The following RYR2 variants were observed in gnomAD, a reference collection of about 807,000 sequenced individuals.
RYR2 encodes ryanodine receptor 2.
RYR2 carries 227 observed loss-of-function variants against 601.1 expected under a neutral mutation model. That is an observed-to-expected ratio of 0.38 (90% CI 0.34 to 0.42). The LOEUF (loss-of-function observed/expected upper bound fraction) is 0.42. Among genes scored for constraint, RYR2 ranks in the 10% least tolerant of loss-of-function variants. The probability of loss-of-function intolerance (pLI) is 1.00; values close to 1 mark genes in which losing one functional copy is unlikely to be tolerated. For synonymous variants in RYR2, 2,223 were observed against 2,175.1 expected (o/e 1.02, Z -0.61); for missense variants, 4,646 against 6,156.5 (o/e 0.75, Z 8.21).
intron 10 of RYR2, among the ~76,000 whole-genome samples, chr1:237,399,134 G>T (rs1703116022): frequency 6.6e-6 from 1 of 152,200 alleles, no homozygotes; most frequent in Non-Finnish European, 1.5e-5. Context: ...GTTGGAGGTT[G>T]CAGTGAGCTG....
At chr1:237,357,330 G>C (rs1255456283) in intron 4 of RYR2, among the ~76,000 whole-genome samples, 1 of 152,100 alleles carries the variant, frequency 6.6e-6, no homozygotes, top group Admixed American at 6.6e-5. Context: ...GAACACGTAT[G>C]ACACCTCTTT....
intron 47 of RYR2, among the ~76,000 whole-genome samples, chr1:237,641,517 C>CT (rs1681528863): frequency 8.1e-6 from 1 of 123,612 alleles, no homozygotes; most frequent in Non-Finnish European, 1.8e-5. Context: ...TTCTTTCTTT[C>CT]TTTCTTTCTT....
chr1:237,378,363 A>C lies in RYR2; in HGVS notation c.576+928A>C, dbSNP rs551998552. Among the ~76,000 whole-genome samples the C allele has an allele frequency of 6.6e-5, 10 of 152,366 alleles. No homozygotes were observed. The South Asian group carries it at 2.1e-3, about 32-fold the overall frequency. On this transcript the variant is annotated intron_variant, in intron 8 of 104. Coordinates refer to ENST00000366574, the MANE Select transcript of RYR2 (RefSeq NM_001035.3). ...TAATTTAACTTATTTAGTAAGTTGTAGTTTTGCCAGAGAGTAGTCCAATAC... is the reference window on the plus strand; with the variant it reads ...TAATTTAACTTATTTAGTAAGTTGTCGTTTTGCCAGAGAGTAGTCCAATAC...
rs560847539 is a variant in RYR2, at chr1:237,606,400, C to G, written c.4683+4289C>G. Reference sequence around the variant, plus strand: ...CTGAAACTGGATCCCTTCCTTACACCTTATACAAAAATTCATCCAAGGTGG... The same window carrying G: ...CTGAAACTGGATCCCTTCCTTACACGTTATACAAAAATTCATCCAAGGTGG... On this transcript the variant is annotated intron_variant, in intron 35 of 104. Transcript: ENST00000366574. 1.6e-3 allele frequency among the ~76,000 whole-genome samples: 240 copies of G among 152,290 alleles called. 1 individual carries two copies. Among genetic ancestry groups the G allele is most frequent in the African/African-American group, 5.2e-3 (214 of 41,550 alleles).
intron 17 of RYR2, among the ~76,000 whole-genome samples, chr1:237,483,090 T>G (rs111305036): frequency 0.017 from 2,525 of 152,300 alleles, 37 homozygotes; most frequent in Middle Eastern, 0.051. Flanking sequence ...TAATTTCTCC[T>G]GATTTACTAA....
chr1:237,507,854 G>A (rs1572644735), intron 23 of RYR2, among the ~76,000 whole-genome samples: 2 of 152,228 alleles, frequency 1.3e-5, no homozygotes, highest in Admixed American at 6.5e-5. Flanking sequence ...TCACTGTAAG[G>A]CTTGCTGAAG....
chr1:237,455,366 T>A (rs546233810), intron 15 of RYR2, among the ~76,000 whole-genome samples: 1 of 151,982 alleles, frequency 6.6e-6, no homozygotes, highest in South Asian at 2.1e-4. Flanking sequence ...AGGTTATTCA[T>A]TGAGTACACA....
At chr1:237,121,963 G>T (rs1005798637) in intron 1 of RYR2, among the ~76,000 whole-genome samples, 1 of 152,246 alleles carries the variant, frequency 6.6e-6, no homozygotes, top group African/African-American at 2.4e-5. Flanking sequence ...AATTAGCTCA[G>T]TGGCTGATTC....
At chr1:237,393,831 G>A (rs77459544) in intron 10 of RYR2, among the ~76,000 whole-genome samples, 392 of 152,266 alleles carry the variant, frequency 2.6e-3, no homozygotes, top group African/African-American at 9.0e-3. Context: ...AGTTTGTCAT[G>A]TGTTCTGGAA....
intron 100 of RYR2, among the ~76,000 whole-genome samples, chr1:237,812,754 C>T (rs1359610592): frequency 6.6e-6 from 1 of 152,134 alleles, no homozygotes; most frequent in Admixed American, 6.5e-5. Context: ...ACAAATAATT[C>T]ATGCACCTTG....
At chr1:237,178,725 G>A (rs911010250) in intron 1 of RYR2, among the ~76,000 whole-genome samples, 1 of 152,012 alleles carries the variant, frequency 6.6e-6, no homozygotes, top group African/African-American at 2.4e-5. Context: ...AGGATTGCTT[G>A]AGCCCAGAGT....
intron 36 of RYR2, among the ~76,000 whole-genome samples, chr1:237,613,238 T>C (rs1678081639): frequency 6.6e-6 from 1 of 152,234 alleles, no homozygotes; most frequent in Non-Finnish European, 1.5e-5. Flanking sequence ...CCTTAACACA[T>C]GTCACAGTTT....
intron 12 of RYR2, among the ~76,000 whole-genome samples, chr1:237,430,373 TC>T (rs1019430868): frequency 8.2e-4 from 124 of 151,906 alleles, no homozygotes; most frequent in African/African-American, 2.9e-3. Context: ...GTATTGCAAA[TC>T]TTATGATAGA....
chr1:237,086,485 G>C (rs1323137388), intron 1 of RYR2, among the ~76,000 whole-genome samples: 1 of 152,148 alleles, frequency 6.6e-6, no homozygotes, highest in Non-Finnish European at 1.5e-5. Context: ...TCTTGTCTCA[G>C]TGGACAAGAT....
At chr1:237,119,890 T>C (rs1443953108) in intron 1 of RYR2, among the ~76,000 whole-genome samples, 1 of 152,222 alleles carries the variant, frequency 6.6e-6, no homozygotes, top group African/African-American at 2.4e-5. Flanking sequence ...ACAACATTCA[T>C]GCAATTAAGT....
intron 17 of RYR2, among the ~76,000 whole-genome samples, chr1:237,476,411 G>A (rs367865109): frequency 4.0e-4 from 61 of 151,354 alleles, no homozygotes; most frequent in South Asian, 8.4e-4. Context: ...TCAGGAGGCC[G>A]AGGCAGGAGA....
chr1:237,496,040 T>C (rs1455178231), intron 19 of RYR2, among the ~76,000 whole-genome samples: 1 of 152,232 alleles, frequency 6.6e-6, no homozygotes, highest in Admixed American at 6.5e-5. Flanking sequence ...GTAGTTTTAA[T>C]AATTTTTTAG....
At chr1:237,436,163 A>G (rs1199995598) in intron 12 of RYR2, among the ~76,000 whole-genome samples, 1 of 152,152 alleles carries the variant, frequency 6.6e-6, no homozygotes, top group East Asian at 1.9e-4. Context: ...ATTGATAAGG[A>G]ACCTTAATTA....
In RYR2 at chr1:237,417,603, C is replaced by T. The variant is rs144565857; in HGVS notation, c.848+480C>T. Among the ~76,000 whole-genome samples the T allele has an allele frequency of 8.5e-3, 1,300 of 152,264 alleles. 20 individuals carry two copies. The highest frequency in any genetic ancestry group is 0.029 in the African/African-American group (1,209 of 41,538). ...TCATTACTGGAAGTCACTATATTTA[C>T]TTAAAAATCACTTGATAGCTAAGTA... On this transcript the variant is annotated intron_variant, in intron 11 of 104. Coordinates refer to ENST00000366574, the MANE Select transcript of RYR2 (RefSeq NM_001035.3).
Sources: gnomAD v4.1 joint callset for allele counts (sites outside exome capture counted in the v4.1 genomes callset) on GRCh38, gnomAD v4.1.1 for gene constraint, MANE v1.5 for transcripts, NCBI Gene and HGNC (gene_info 2026-07-23, HGNC 2026-07-21) for gene names.